Variants in PPME1 observed in about 807,000 individuals in gnomAD.
The protein encoded by PPME1 is protein phosphatase methylesterase 1, also known as testicular secretory protein Li 39.
Under a neutral mutation model 56.9 loss-of-function variants are expected in PPME1, and 17 were observed. The observed-to-expected ratio is 0.30, with a 90% CI of 0.20 to 0.45. PPME1 has a LOEUF of 0.45. Among genes scored for constraint, PPME1 ranks in the 20% least tolerant of loss-of-function variants. PPME1 has a pLI of 1.00. For missense variants in PPME1, 357 were observed against 483.2 expected (o/e 0.74, Z 2.45); for synonymous variants, 122 against 156.2 (o/e 0.78, Z 1.63).
chr11:74,182,286 G>A (rs1857560302), intron 1 of PPME1, among the ~76,000 whole-genome samples: 1 of 152,078 alleles, frequency 6.6e-6, no homozygotes, highest in East Asian at 1.9e-4. Flanking sequence ...TATTTAAATT[G>A]GAAAACTGTC....
At chr11:74,239,093 G>A (rs1272985207) in intron 8 of PPME1, 40 bp from the exon 9 acceptor site, 5 of 1,582,888 alleles carry the variant, frequency 3.2e-6, no homozygotes, top group Non-Finnish European at 4.3e-6. Context: ...TTTGTGTATT[G>A]GAAAGAGGTG....
intron 1 of PPME1, among the ~76,000 whole-genome samples, chr11:74,196,205 T>G (rs1341356201): frequency 6.6e-6 from 1 of 152,262 alleles, no homozygotes; most frequent in African/African-American, 2.4e-5. Flanking sequence ...TCTCTCTGTA[T>G]GTAGCCATAG....
At position 74,200,006 on chromosome 11, in the gene PPME1, G is replaced by A. The variant is rs1423173218; in HGVS notation, c.102-3722G>A. Reference sequence around the variant, plus strand: ...CAATTCAAGATGAGATTTGGGTAAGGACATAGCCAAACCATATCAGTAACT... The same window carrying A: ...CAATTCAAGATGAGATTTGGGTAAGAACATAGCCAAACCATATCAGTAACT... On this transcript the variant is annotated intron_variant, in intron 1 of 13. Coordinates refer to ENST00000328257, the MANE Select transcript of PPME1 (RefSeq NM_016147.3). 2.6e-5 allele frequency among the ~76,000 whole-genome samples: 4 copies of A among 152,176 alleles called. No homozygotes were observed. The East Asian group carries it at 7.7e-4, about 29-fold the overall frequency.
intron 11 of PPME1, chr11:74,248,840 T>C (rs1404755291): frequency 6.6e-6 from 1 of 152,206 alleles, no homozygotes; most frequent in Non-Finnish European, 1.5e-5. Flanking sequence ...GCAGTTGACA[T>C]GGACTGGGAT....
chr11:74,214,567 G>GC (rs1858573364), intron 3 of PPME1, among the ~76,000 whole-genome samples: 1 of 151,726 alleles, frequency 6.6e-6, no homozygotes, highest in Non-Finnish European at 1.5e-5. Flanking sequence ...AATTCTAAAA[G>GC]CAGAAAGAGA....
intron 7 of PPME1, among the ~76,000 whole-genome samples, chr11:74,232,860 ATT>A (rs35057762): frequency 3.9e-3 from 362 of 93,826 alleles, no homozygotes; most frequent in Middle Eastern, 0.03. Flanking sequence ...TTGTTATTTG[ATT>A]TTTTTTTTTT....
chr11:74,253,287 G>C (rs1302143241), intron 13 of PPME1, among the ~76,000 whole-genome samples: 1 of 152,162 alleles, frequency 6.6e-6, no homozygotes, highest in East Asian at 1.9e-4. Flanking sequence ...TTTGGCTGGG[G>C]CCCTTCGACC....
chr11:74,235,985 C>T lies in PPME1; in HGVS notation c.710+19C>T, dbSNP rs1352520459. ...TCAAACAGTAGGTCTTACTCTTCCC[C>T]CTTGGTCTGGTTAGAGGCGGAAACA... On this transcript the variant is annotated intron_variant, in intron 8 of 13. Coordinates refer to ENST00000328257, the MANE Select transcript of PPME1 (RefSeq NM_016147.3). The T allele has an allele frequency of 1.2e-6, 2 of 1,609,718 alleles. No homozygotes were observed. The highest frequency in any genetic ancestry group is 1.7e-6 in the Non-Finnish European group (2 of 1,178,056).
chr11:74,211,504 A>G (rs1858474218), intron 3 of PPME1, among the ~76,000 whole-genome samples: 1 of 152,338 alleles, frequency 6.6e-6, no homozygotes, highest in Admixed American at 6.5e-5. Flanking sequence ...GGATTAAACA[A>G]CACAAATGAA....
At chr11:74,247,369 C>T (rs1410357120) in intron 11 of PPME1, 2 of 463,940 alleles carry the variant, frequency 4.3e-6, no homozygotes, top group East Asian at 7.4e-5. Flanking sequence ...CTACCTATGT[C>T]TCAGTTATAA....
Position 74,222,322 on chromosome 11 carries a change from T to C in PPME1, c.299T>C (p.Ile100Thr). 1 of 1,611,036 alleles carries C rather than the reference T, an allele frequency of 6.2e-7. No homozygotes were observed. Among genetic ancestry groups the C allele is most frequent in the Non-Finnish European group, 8.5e-7 (1 of 1,177,332 alleles). The change falls in exon 4 of 14, where the codon ATT becomes ACT. Residue 100 changes from isoleucine to threonine, a missense_variant. Ile to Thr is a moderately conservative substitution (Grantham distance 89, BLOSUM62 -1). Around this residue, in one of 2 missense-constraint regions of PPME1, gnomAD observed 175 missense variants for 189.4 expected, o/e 0.92. Transcript: ENST00000328257. ...LSWAVFTAAI[I>T]SRVQCRIVAL... ...TCCTTTTTCTCCTAGGCAGCGATTA[T>C]TAGTAGAGTTCAGTGTAGGATTGTA...
At chr11:74,209,432 C>T (rs1278759703) in intron 3 of PPME1, among the ~76,000 whole-genome samples, 1 of 152,110 alleles carries the variant, frequency 6.6e-6, no homozygotes, top group African/African-American at 2.4e-5. Context: ...ACAACATTTA[C>T]CCCACGCACA....
intron 3 of PPME1, among the ~76,000 whole-genome samples, chr11:74,211,607 T>C (rs914480751): frequency 3.9e-5 from 6 of 152,148 alleles, no homozygotes; most frequent in African/African-American, 1.4e-4. Flanking sequence ...AAATAAAAGA[T>C]TAATTTGAGT....
intron 3 of PPME1, 27 bp from the exon 4 acceptor site, chr11:74,222,285 C>T: frequency 6.4e-7 from 1 of 1,567,434 alleles, no homozygotes; most frequent in Non-Finnish European, 8.8e-7. Flanking sequence ...CTAGATGTGT[C>T]TTAACTACTT....
intron 5 of PPME1, among the ~76,000 whole-genome samples, chr11:74,229,150 G>T (rs1313632780): frequency 6.6e-6 from 1 of 152,090 alleles, no homozygotes; most frequent in African/African-American, 2.4e-5. Context: ...AATAACATTT[G>T]CCTTTGCCAT....
intron 1 of PPME1, among the ~76,000 whole-genome samples, chr11:74,188,012 G>T (rs1230972287): frequency 6.6e-6 from 1 of 152,134 alleles, no homozygotes; most frequent in Non-Finnish European, 1.5e-5. Flanking sequence ...CTTTAAAGTG[G>T]AGGAAGAACC....
intron 3 of PPME1, among the ~76,000 whole-genome samples, chr11:74,209,542 A>T (rs752495911): frequency 1.3e-5 from 2 of 152,240 alleles, no homozygotes; most frequent in Non-Finnish European, 2.9e-5. Context: ...TGAGTTAAGT[A>T]TCTTGATACA....
intron 3 of PPME1, among the ~76,000 whole-genome samples, chr11:74,218,833 T>TC (rs2135644071): frequency 6.6e-6 from 1 of 152,000 alleles, no homozygotes; most frequent in African/African-American, 2.4e-5. Context: ...TGTGGAAAGA[T>TC]TTTTTTTGAG....
At chr11:74,232,154 A>G (rs747952533) in intron 7 of PPME1, among the ~76,000 whole-genome samples, 23 of 152,372 alleles carry the variant, frequency 1.5e-4, no homozygotes, top group East Asian at 3.9e-4. Context: ...TTAAGTCTCT[A>G]TTATATTGCA....
Sources: gnomAD v4.1 joint callset for allele counts (sites outside exome capture counted in the v4.1 genomes callset) on GRCh38, gnomAD v4.1.1 for gene constraint, gnomAD v4.1.1 regional missense constraint, MANE v1.5 for transcripts, NCBI Gene and HGNC (gene_info 2026-07-23, HGNC 2026-07-21) for gene names.